Variants in CPXM2 observed in about 807,000 individuals in gnomAD.
The protein encoded by CPXM2 is carboxypeptidase X, M14 family member 2.
CPXM2 carries 66 observed loss-of-function variants against 86.1 expected under a neutral mutation model. That is an observed-to-expected ratio of 0.77 (90% CI 0.63 to 0.94). CPXM2 has a LOEUF of 0.94. Ranked by LOEUF, CPXM2 falls within the 40% of genes least tolerant of loss-of-function variation. CPXM2 has a pLI of 0.00. For missense variants in CPXM2, 948 were observed against 1,026.3 expected (o/e 0.92, Z 1.04); for synonymous variants, 388 against 400.2 (o/e 0.97, Z 0.36).
chr10:123,892,795 G>A (rs573476148), upstream of CPXM2, among the ~76,000 whole-genome samples: 1 of 152,306 alleles, frequency 6.6e-6, no homozygotes, highest in South Asian at 2.1e-4. Flanking sequence ...TAGGACTGAC[G>A]TGCAGTTCAC....
At chr10:123,859,992 T>C (rs1848818396) in intron 3 of CPXM2, among the ~76,000 whole-genome samples, 1 of 152,160 alleles carries the variant, frequency 6.6e-6, no homozygotes, top group African/African-American at 2.4e-5. Flanking sequence ...TCTCCGTCCA[T>C]ATCCTCAGTG....
At chr10:123,859,177 C>T (rs1380368255) in intron 3 of CPXM2, among the ~76,000 whole-genome samples, 1 of 152,268 alleles carries the variant, frequency 6.6e-6, no homozygotes. Context: ...GTTTCTAATT[C>T]TGACATCTTG....
intron 2 of CPXM2, among the ~76,000 whole-genome samples, chr10:123,872,498 T>A (rs560485496): frequency 2.0e-5 from 3 of 152,270 alleles, no homozygotes; most frequent in African/African-American, 7.2e-5. Context: ...ATGGTGGTTA[T>A]CTTTGAGGAG....
Position 123,851,385 on chromosome 10 carries a change from A to G in CPXM2, c.514-8897T>C, listed in dbSNP as rs533771459. ...CCAGCCTGAGGCAGATATATTGGGC[A>G]TACAGAACCACAGTATTGAATTGTG... On this transcript the variant is annotated intron_variant, in intron 3 of 13. Coordinates refer to ENST00000241305, the MANE Select transcript of CPXM2 (RefSeq NM_198148.3). Among the ~76,000 whole-genome samples, 54 of 152,350 alleles carry G rather than the reference A, an allele frequency of 3.5e-4. 1 individual carries two copies. The highest frequency in any genetic ancestry group is 3.4e-3 in the Middle Eastern group (1 of 294).
At chr10:123,900,126 C>G (rs1945369165) in intron 2 of CPXM2, among the ~76,000 whole-genome samples, 1 of 152,210 alleles carries the variant, frequency 6.6e-6, no homozygotes, top group South Asian at 2.1e-4. Flanking sequence ...TCTGCAAACT[C>G]TGCCTCCCAG....
Position 123,757,227 on chromosome 10 carries a change from C to T in CPXM2, c.1903G>A (p.Val635Met), listed in dbSNP as rs78179127. The change falls in exon 12 of 14, where the codon GTG becomes ATG. Residue 635 changes from valine (V) to methionine (M), a missense_variant. Physicochemically the swap from Val to Met is conservative, Grantham distance 21. Coordinates refer to ENST00000241305, the MANE Select transcript of CPXM2 (RefSeq NM_198148.3). ...CCGCAATATACCTGCTCCATGAACA[C>T]GATCAGAGATTCCCGGTTATTCTCC... is the stretch of plus-strand genomic sequence containing the variant. The part of the protein sequence containing the change: ...EWENNRESLI[V>M]FMEQVHRGIK... 43 of 1,614,072 alleles carry T rather than the reference C, an allele frequency of 2.7e-5. 1 individual carries two copies. In the East Asian group the frequency reaches 5.8e-4, roughly 22 times the overall value.
chr10:123,861,176 G>A (rs564788348), intron 3 of CPXM2, among the ~76,000 whole-genome samples: 85 of 152,264 alleles, frequency 5.6e-4, no homozygotes, highest in African/African-American at 2.0e-3. Context: ...CTGCCACTTG[G>A]AAGCCATTAG....
intron 2 of CPXM2, among the ~76,000 whole-genome samples, chr10:123,905,692 C>T (rs1236747931): frequency 6.6e-6 from 1 of 152,104 alleles, no homozygotes; most frequent in African/African-American, 2.4e-5. Flanking sequence ...TCCCTATTCA[C>T]GAAGCCGTCT....
Position 123,930,265 on chromosome 10 carries a change from C to T in CPXM2, n.174+9212G>A, listed in dbSNP as rs146275213. Among the ~76,000 whole-genome samples the T allele has an allele frequency of 8.5e-5, 13 of 152,388 alleles. No homozygotes were observed. The East Asian group carries it at 2.3e-3, about 27-fold the overall frequency. Reference sequence around the variant, plus strand: ...GGCTTTTGCTCAAACCTCCATCCCACAGCCCTGCTTCAAAGTTACTCTTTG... The same window carrying T: ...GGCTTTTGCTCAAACCTCCATCCCATAGCCCTGCTTCAAAGTTACTCTTTG... On this transcript the variant is annotated intron_variant and non_coding_transcript_variant, in intron 2 of 19. Transcript: ENST00000368854.
chr10:123,896,009 C>T (rs1198957475), upstream of CPXM2, among the ~76,000 whole-genome samples: 1 of 152,210 alleles, frequency 6.6e-6, no homozygotes, highest in Admixed American at 6.5e-5. Context: ...TGATAATCCT[C>T]AAACACCTTA....
Position 123,798,097 on chromosome 10 carries a change from G to C in CPXM2, c.768C>G (p.Ile256Met), listed in dbSNP as rs2134067297. ...GGACGGGTAGCTCATTGAGAACAGG[G>C]ATCTCCTTCTCACTGTTTCCCTCAA... Reference protein sequence around the residue: ...MIFEGNSEKEIPVLNELPVPM... With the variant: ...MIFEGNSEKEMPVLNELPVPM... The change falls in exon 6 of 14, where the codon ATC (isoleucine) becomes ATG (methionine). Residue 256 changes from isoleucine to methionine, a missense_variant. By Grantham distance (10) the Ile-to-Met change is conservative. Coordinates refer to ENST00000241305, the MANE Select transcript of CPXM2 (RefSeq NM_198148.3). 1 of 1,609,986 alleles carries C rather than the reference G, an allele frequency of 6.2e-7. No individual in the cohort carries two copies. Among genetic ancestry groups the C allele is most frequent in the South Asian group, 1.1e-5 (1 of 90,244 alleles).
At chr10:123,816,497 A>T (rs997254464) in intron 4 of CPXM2, among the ~76,000 whole-genome samples, 18 of 152,348 alleles carry the variant, frequency 1.2e-4, no homozygotes, top group African/African-American at 4.3e-4. Context: ...CCACATCCCC[A>T]TTCAACTCTC....
intron 2 of CPXM2, 66 bp downstream of exon 2, chr10:123,880,145 T>TGGGGCCCCCCCCCCCC: frequency 1.2e-5 from 5 of 407,554 alleles, no homozygotes; most frequent in East Asian, 4.9e-5. Context: ...CAGGGGCCTG[T>TGGGGCCCCCCCCCCCC]ACCCACCCAC....
chr10:123,843,120 C>CTT (rs765282267), intron 3 of CPXM2: 187 of 276,072 alleles, frequency 6.8e-4, no homozygotes, highest in South Asian at 1.0e-3. Flanking sequence ...ACCAAAAATT[C>CTT]TTTTTTTTTT....
intron 4 of CPXM2, among the ~76,000 whole-genome samples, chr10:123,814,730 A>T (rs963825370): frequency 1.3e-5 from 2 of 152,182 alleles, no homozygotes; most frequent in African/African-American, 4.8e-5. Context: ...TGTTTAGAGA[A>T]TTATGCAAAA....
chr10:123,747,899 G>GT, intron 13 of CPXM2, among the ~76,000 whole-genome samples: 2 of 143,960 alleles, frequency 1.4e-5, no homozygotes, highest in Non-Finnish European at 3.0e-5. Flanking sequence ...TCCAGCCTGG[G>GT]CGACAGAGTG....
intron 13 of CPXM2, chr10:123,751,979 A>G (rs967817082): frequency 8.1e-6 from 8 of 985,290 alleles, no homozygotes; most frequent in Non-Finnish European, 9.6e-6. Flanking sequence ...TTGGCTTATG[A>G]GGCCCCAGGG....
chr10:123,852,071 CTGCTAACACCT>C (rs1848611735), intron 3 of CPXM2, among the ~76,000 whole-genome samples: 1 of 152,154 alleles, frequency 6.6e-6, no homozygotes, highest in South Asian at 2.1e-4. Flanking sequence ...GAGCGATGCC[CTGCTAACACCT>C]TGATTTCAGA....
rs565825110 is a variant in CPXM2, at chr10:123,751,472, C to T, written c.2017+3191G>A. Reference sequence around the variant, plus strand: ...TTGCGTCTTTCCTTATAATTTCTCCCGCCACCCTGACACATCTCCTATACG... The same window carrying T: ...TTGCGTCTTTCCTTATAATTTCTCCTGCCACCCTGACACATCTCCTATACG... On this transcript the variant is annotated intron_variant, in intron 13 of 13. Coordinates refer to ENST00000241305, the MANE Select transcript of CPXM2 (RefSeq NM_198148.3). 9.0e-5 allele frequency: 88 copies of T among 980,830 alleles called. No homozygotes were observed. The South Asian group carries it at 1.6e-3, about 18-fold the overall frequency. 60.8% of individuals were successfully genotyped at this position (980,830 alleles called of 1,614,324 possible).
Sources: allele counts gnomAD v4.1 joint callset (sites outside exome capture counted in the v4.1 genomes callset), GRCh38; gene constraint gnomAD v4.1.1; transcripts MANE v1.5; gene names NCBI Gene and HGNC (gene_info 2026-07-23, HGNC 2026-07-21).